The following TRABD2B variants were observed in gnomAD, a reference collection of about 807,000 sequenced individuals.
The protein encoded by TRABD2B is TraB domain containing 2B.
TRABD2B carries 14 observed loss-of-function variants against 40.1 expected under a neutral mutation model. The ratio of observed to expected loss-of-function variants is 0.35; its 90% CI spans 0.23 to 0.55. The LOEUF (loss-of-function observed/expected upper bound fraction) is 0.55, where lower values mean the gene tolerates loss of function less well. Ranked by LOEUF, TRABD2B falls within the 20% of genes least tolerant of loss-of-function variation. The pLI is 0.90. For missense variants in TRABD2B, 541 were observed against 648.6 expected (o/e 0.83, Z 1.80); for synonymous variants, 263 against 277.0 (o/e 0.95, Z 0.50).
chr1:47,908,364 G>A (rs983881590), intron 2 of TRABD2B, among the ~76,000 whole-genome samples: 1 of 152,112 alleles, frequency 6.6e-6, no homozygotes, highest in Admixed American at 6.6e-5. Context: ...GAAAAAAAGA[G>A]GATTTTTAAA....
At chr1:47,792,410 G>T (rs758891471) in intron 4 of TRABD2B, among the ~76,000 whole-genome samples, 1 of 152,232 alleles carries the variant, frequency 6.6e-6, no homozygotes, top group Non-Finnish European at 1.5e-5. Context: ...ACCACAATGT[G>T]GGGAGGAGTC....
At position 47,776,989 on chromosome 1, in the gene TRABD2B, C is replaced by T. The variant is rs145296704; in HGVS notation, c.1079+1465G>A. Among the ~76,000 whole-genome samples the T allele has an allele frequency of 4.9e-4, 74 of 152,312 alleles. 1 individual carries two copies. In the East Asian group the frequency reaches 0.013, roughly 27 times the overall value. On this transcript the variant is annotated intron_variant, in intron 5 of 6. Coordinates refer to ENST00000606738, the MANE Select transcript of TRABD2B (RefSeq NM_001194986.2). ...TTGGAGCCTCCTCAGCATTCCCGCC[C>T]CCCTCCGCCCTGCCAACTCCCTTGC...
At chr1:47,962,969 A>G (rs1254707512) in intron 2 of TRABD2B, among the ~76,000 whole-genome samples, 1 of 152,204 alleles carries the variant, frequency 6.6e-6, no homozygotes, top group Non-Finnish European at 1.5e-5. Context: ...GTGAAACACA[A>G]TTAGCCTCCC....
intron 2 of TRABD2B, among the ~76,000 whole-genome samples, chr1:47,832,354 G>A (rs1372069157): frequency 6.6e-6 from 1 of 151,954 alleles, no homozygotes; most frequent in Non-Finnish European, 1.5e-5. Context: ...GAGGTCAGAC[G>A]TGGGTCCAGT....
chr1:47,789,338 G>C (rs1644638900), intron 4 of TRABD2B, among the ~76,000 whole-genome samples: 1 of 152,090 alleles, frequency 6.6e-6, no homozygotes, highest in South Asian at 2.1e-4. Context: ...CATCCTCTAT[G>C]TTCCTAGCAT....
intron 2 of TRABD2B, among the ~76,000 whole-genome samples, chr1:47,953,447 TA>T (rs1424387781): frequency 2.6e-5 from 4 of 152,182 alleles, no homozygotes; most frequent in Non-Finnish European, 5.9e-5. Flanking sequence ...CCTTTGCTTT[TA>T]AAATCATAGG....
chr1:47,889,222 G>T (rs894780253), intron 2 of TRABD2B, among the ~76,000 whole-genome samples: 1 of 152,314 alleles, frequency 6.6e-6, no homozygotes, highest in East Asian at 1.9e-4. Flanking sequence ...TTAGCCTCAT[G>T]GAAGCTGCCC....
intron 2 of TRABD2B, among the ~76,000 whole-genome samples, chr1:47,890,574 G>C (rs1017042576): frequency 7.2e-5 from 11 of 152,240 alleles, no homozygotes; most frequent in East Asian, 1.9e-4. Flanking sequence ...CTGCTGGGGG[G>C]GCCCAGGTGT....
intron 2 of TRABD2B, among the ~76,000 whole-genome samples, chr1:47,854,954 C>T (rs1265790659): frequency 4.6e-5 from 7 of 152,162 alleles, no homozygotes; most frequent in Admixed American, 2.6e-4. Flanking sequence ...CTGCTTACCA[C>T]CTCTGAGCCT....
chr1:47,957,963 G>A (rs953173624), intron 2 of TRABD2B, among the ~76,000 whole-genome samples: 11 of 152,202 alleles, frequency 7.2e-5, no homozygotes, highest in African/African-American at 2.4e-4. Flanking sequence ...CAGAGAGAAA[G>A]GTCGGGTTAC....
intron 2 of TRABD2B, among the ~76,000 whole-genome samples, chr1:47,861,367 C>G (rs1436693108): frequency 1.3e-5 from 2 of 151,496 alleles, no homozygotes; most frequent in African/African-American, 4.9e-5. Context: ...CATGACAGCA[C>G]CCCCCACCCT....
At chr1:47,961,192 A>G (rs1452547245) in intron 2 of TRABD2B, among the ~76,000 whole-genome samples, 1 of 152,210 alleles carries the variant, frequency 6.6e-6, no homozygotes, top group Non-Finnish European at 1.5e-5. Context: ...TCTTCCTTAC[A>G]CCTTATACAA....
At position 47,775,177 on chromosome 1, in the gene TRABD2B, C is replaced by T. The variant is rs1405636253; in HGVS notation, c.1342G>A (p.Glu448Lys). 2 of 1,235,164 alleles carry T rather than the reference C, an allele frequency of 1.6e-6. No individual in the cohort carries two copies. The highest frequency in any genetic ancestry group is 3.1e-5 in the East Asian group (1 of 31,822). The allele number at this position is 1,235,164 out of a possible 1,614,324, so 76.5% of individuals were successfully genotyped here. ...CTGCCCTCCCTGGCTCACCTGTCCT[C>T]GATGCGGACCCAGAGGTCATTGAAC... is the stretch of plus-strand genomic sequence containing the variant. ...RQFNDLWVRI[E>K]DSTTASPPPL... Residue 448 changes from glutamate (E) to lysine (K), a missense_variant, in exon 6 of 7, where the codon GAG becomes AAG. Around this residue, in one of 2 missense-constraint regions of TRABD2B, gnomAD observed 172 missense variants for 155.8 expected, o/e 1.10. Transcript: ENST00000606738.
intron 2 of TRABD2B, among the ~76,000 whole-genome samples, chr1:47,875,674 CAAAAAAAAAAAAAAAAAA>C (rs10541556): frequency 1.3e-5 from 1 of 75,928 alleles, no homozygotes; most frequent in Non-Finnish European, 2.5e-5. Flanking sequence ...AACCCTGTCT[CAAAAAAAAAAAAAAAAAA>C]AAAAAAAAGA....
intron 2 of TRABD2B, among the ~76,000 whole-genome samples, chr1:47,962,920 A>G (rs908833789): frequency 1.3e-5 from 2 of 152,220 alleles, no homozygotes; most frequent in African/African-American, 4.8e-5. Context: ...CTACTCCCAC[A>G]TAACAAAGAT....
At chr1:47,863,395 A>ATATATATATATATATATATAT (rs1553159688) in intron 2 of TRABD2B, among the ~76,000 whole-genome samples, 2 of 31,992 alleles carry the variant, frequency 6.3e-5, no homozygotes, top group African/African-American at 1.1e-4. Flanking sequence ...TATATATATA[A>ATATATATATATATATATATAT]TCTCTTAAAA....
chr1:47,982,374 A>C (rs1031932543), intron 2 of TRABD2B, among the ~76,000 whole-genome samples: 10 of 152,168 alleles, frequency 6.6e-5, no homozygotes, highest in African/African-American at 2.2e-4. Flanking sequence ...GTTTATATGC[A>C]TTATCTCATT....
chr1:47,957,691 A>T (rs1645445121), intron 2 of TRABD2B, among the ~76,000 whole-genome samples: 1 of 152,202 alleles, frequency 6.6e-6, no homozygotes, highest in Admixed American at 6.5e-5. Flanking sequence ...AAAAGCCTCC[A>T]AGAAATATGG....
At chr1:47,814,445 G>A (rs1194955047) in intron 2 of TRABD2B, among the ~76,000 whole-genome samples, 1 of 152,242 alleles carries the variant, frequency 6.6e-6, no homozygotes, top group Non-Finnish European at 1.5e-5. Flanking sequence ...ACAAGGAGAG[G>A]TGAGAAGGCC....
Sources: gnomAD v4.1 joint callset for allele counts (sites outside exome capture counted in the v4.1 genomes callset) on GRCh38, gnomAD v4.1.1 for gene constraint, gnomAD v4.1.1 regional missense constraint, MANE v1.5 for transcripts, NCBI Gene and HGNC (gene_info 2026-07-23, HGNC 2026-07-21) for gene names.